WDR70: variants seen among roughly 807,000 people sequenced by gnomAD.
WDR70 encodes WD repeat-containing protein 70.
WDR70 carries 53 observed loss-of-function variants against 88.6 expected under a neutral mutation model. That is an observed-to-expected ratio of 0.60 (90% confidence interval 0.48 to 0.75). WDR70 has a LOEUF of 0.75. WDR70 is among the 30% of genes least tolerant of loss of function. WDR70 has a pLI of 0.00. For missense variants in WDR70, 610 were observed against 823.2 expected, an observed-to-expected ratio of 0.74 and a Z score of 3.17; for synonymous variants, 280 against 270.0, an observed-to-expected ratio of 1.04 and a Z score of -0.36.
chr5:37,505,666 C>T, intron 8 of WDR70: 1 of 817,090 alleles, frequency 1.2e-6, no homozygotes. Context: ...TCTTGTACAT[C>T]TTCCTCTAGC....
intron 10 of WDR70, among the ~76,000 whole-genome samples, chr5:37,693,587 C>A (rs955875060): frequency 3.9e-5 from 6 of 152,098 alleles, no homozygotes; most frequent in Non-Finnish European, 7.4e-5. Context: ...ACAAACCTGA[C>A]AAAAACAAGA....
At chr5:37,612,591 C>G (rs981606694) in intron 10 of WDR70, among the ~76,000 whole-genome samples, 1 of 152,128 alleles carries the variant, frequency 6.6e-6, no homozygotes, top group African/African-American at 2.4e-5. Flanking sequence ...TCCTAGGGTA[C>G]TTACAGTTTT....
rs1489811911 is a variant in WDR70 at position 37,445,435 on chromosome 5, A to G, written c.686+2063A>G. Among the ~76,000 whole-genome samples, 3 of 151,608 alleles carry G rather than the reference A, an allele frequency of 2.0e-5. No homozygotes were observed. The East Asian group carries it at 5.8e-4, about 29-fold the overall frequency. ...TTTCCTATTCTGTTATTTCATCTGCATTTATTTCCTGGCATCTTCTTAAAG... is the reference window on the plus strand; with the variant it reads ...TTTCCTATTCTGTTATTTCATCTGCGTTTATTTCCTGGCATCTTCTTAAAG... On this transcript the variant is annotated intron_variant, in intron 7 of 17. Coordinates refer to ENST00000265107, the MANE Select transcript of WDR70 (RefSeq NM_018034.4).
At chr5:37,526,288 A>G (rs978191685) in intron 9 of WDR70, among the ~76,000 whole-genome samples, 6 of 152,164 alleles carry the variant, frequency 3.9e-5, no homozygotes, top group African/African-American at 9.7e-5. Context: ...ATCCACCATG[A>G]TCAAGTGGGT....
At chr5:37,505,742 T>TC (rs956866450) in intron 8 of WDR70, 4 of 1,322,388 alleles carry the variant, frequency 3.0e-6, no homozygotes, top group Non-Finnish European at 4.4e-6. Flanking sequence ...CAAATATAGC[T>TC]CCCTACACGT....
chr5:37,619,917 G>GTTTTT (rs35802405), intron 10 of WDR70: 7 of 120,074 alleles, frequency 5.8e-5, no homozygotes, highest in Admixed American at 9.1e-5. Flanking sequence ...TATTTACCAG[G>GTTTTT]TTTTTTTTTT....
At chr5:37,744,289 G>C (rs1748577191) in intron 17 of WDR70, among the ~76,000 whole-genome samples, 1 of 152,024 alleles carries the variant, frequency 6.6e-6, no homozygotes, top group African/African-American at 2.4e-5. Flanking sequence ...TAGCCTCGAA[G>C]ACCAAAACTA....
intron 10 of WDR70, among the ~76,000 whole-genome samples, chr5:37,677,232 C>A (rs1393421995): frequency 1.3e-5 from 2 of 151,932 alleles, no homozygotes; most frequent in Non-Finnish European, 2.9e-5. Flanking sequence ...GTCTCTATTT[C>A]CTTCAGTTCT....
intron 7 of WDR70, among the ~76,000 whole-genome samples, chr5:37,464,419 TTAGAA>T (rs1262383589): frequency 1.3e-5 from 2 of 152,168 alleles, no homozygotes; most frequent in Non-Finnish European, 2.9e-5. Context: ...CAGTGTTTGA[TTAGAA>T]TAGAGAAATC....
At chr5:37,538,957 C>T (rs1465661485) in intron 9 of WDR70, among the ~76,000 whole-genome samples, 2 of 152,264 alleles carry the variant, frequency 1.3e-5, no homozygotes, top group East Asian at 1.9e-4. Flanking sequence ...ACATAAATGA[C>T]ACTAGTATAA....
chr5:37,747,319 T>A (rs1581546158), intron 17 of WDR70, among the ~76,000 whole-genome samples: 1 of 152,060 alleles, frequency 6.6e-6, no homozygotes. Flanking sequence ...AACCACGAGA[T>A]ACCATCTCAC....
intron 9 of WDR70, among the ~76,000 whole-genome samples, chr5:37,531,530 T>TA: frequency 6.6e-6 from 1 of 152,040 alleles, no homozygotes; most frequent in Non-Finnish European, 1.5e-5. Flanking sequence ...TAGTCCTTTT[T>TA]ATCATTATAT....
At chr5:37,438,491 T>C (rs1488587660) in intron 6 of WDR70, among the ~76,000 whole-genome samples, 4 of 152,136 alleles carry the variant, frequency 2.6e-5, no homozygotes, top group African/African-American at 9.6e-5. Context: ...TATTTAAAGA[T>C]GAATAATATA....
chr5:37,462,016 A>T (rs1180632320), intron 7 of WDR70, among the ~76,000 whole-genome samples: 4 of 152,074 alleles, frequency 2.6e-5, no homozygotes, highest in Non-Finnish European at 4.4e-5. Flanking sequence ...TTTCCTAATC[A>T]TTCTGATCTT....
chr5:37,706,458 TG>T (rs1348780616), intron 13 of WDR70, among the ~76,000 whole-genome samples: 2 of 152,132 alleles, frequency 1.3e-5, no homozygotes, highest in Non-Finnish European at 2.9e-5. Flanking sequence ...ATTTGAATCA[TG>T]GGGGCGGGTC....
At chr5:37,564,921 A>G (rs1025686131) in intron 9 of WDR70, among the ~76,000 whole-genome samples, 2 of 152,148 alleles carry the variant, frequency 1.3e-5, no homozygotes, top group African/African-American at 4.8e-5. Flanking sequence ...ATACTTTTCT[A>G]GTTATTTTAT....
chr5:37,419,635 G>A (rs1311987464), intron 5 of WDR70, among the ~76,000 whole-genome samples: 1 of 151,630 alleles, frequency 6.6e-6, no homozygotes, highest in East Asian at 2.0e-4. Flanking sequence ...CCAACATGGC[G>A]AAACTCCATC....
At chr5:37,577,044 A>G (rs1378661484) in intron 9 of WDR70, among the ~76,000 whole-genome samples, 1 of 152,168 alleles carries the variant, frequency 6.6e-6, no homozygotes, top group African/African-American at 2.4e-5. Flanking sequence ...AGACCTTATC[A>G]TCTGATCAGA....
At chr5:37,459,402 G>A (rs1738930065) in intron 7 of WDR70, among the ~76,000 whole-genome samples, 2 of 151,138 alleles carry the variant, frequency 1.3e-5, no homozygotes, top group Admixed American at 1.3e-4. Context: ...ACAACTATCT[G>A]ATCTTTGACA....
Sources: allele counts gnomAD v4.1 joint callset (sites outside exome capture counted in the v4.1 genomes callset), GRCh38; gene constraint gnomAD v4.1.1; transcripts MANE v1.5; gene names NCBI Gene and HGNC (gene_info 2026-07-23, HGNC 2026-07-21).